The following MYO10 variants were observed in gnomAD, a reference collection of about 807,000 sequenced individuals.
The protein encoded by MYO10 is unconventional myosin-X.
A neutral mutation model predicts 257.3 loss-of-function variants in MYO10; 133 were observed. The observed-to-expected ratio is 0.52, with a 90% CI of 0.45 to 0.60. The LOEUF is 0.60. Ranked by LOEUF, MYO10 falls within the 20% of genes least tolerant of loss-of-function variation. MYO10 has a pLI of 0.00. For synonymous variants in MYO10, 1,104 were observed against 1,028.6 expected, an observed-to-expected ratio of 1.07 and a Z score of -1.40; for missense variants, 2,399 against 2,635.7, an observed-to-expected ratio of 0.91 and a Z score of 1.97.
intron 2 of MYO10, among the ~76,000 whole-genome samples, chr5:16,835,492 G>GTTTTTTTTTT (rs1554001242): frequency 4.9e-5 from 4 of 81,086 alleles, no homozygotes; most frequent in Non-Finnish European, 9.1e-5. Context: ...ATTTTTGGCT[G>GTTTTTTTTTT]TTTTTTTTTT....
At chr5:16,854,661 A>G (rs1326920487) in intron 2 of MYO10, among the ~76,000 whole-genome samples, 1 of 152,236 alleles carries the variant, frequency 6.6e-6, no homozygotes, top group African/African-American at 2.4e-5. Context: ...TGACTATACT[A>G]AAAGCCACTG....
chr5:16,783,244 C>T, intron 5 of MYO10, 91 bp downstream of exon 5: 5 of 1,286,284 alleles, frequency 3.9e-6, no homozygotes, highest in South Asian at 1.6e-5. Context: ...AAAAGAGAAA[C>T]GCGACCAACT....
At chr5:16,858,211 G>T (rs1744014626) in intron 2 of MYO10, among the ~76,000 whole-genome samples, 1 of 152,152 alleles carries the variant, frequency 6.6e-6, no homozygotes, top group South Asian at 2.1e-4. Flanking sequence ...ATTTTCACGT[G>T]TCAAAATATG....
intron 2 of MYO10, among the ~76,000 whole-genome samples, chr5:16,826,037 A>G (rs1323586845): frequency 6.6e-6 from 1 of 152,024 alleles, no homozygotes; most frequent in African/African-American, 2.4e-5. Context: ...AATCCCAGCT[A>G]TTTGGGAGGC....
At chr5:16,866,622 T>C (rs905185336) in intron 2 of MYO10, among the ~76,000 whole-genome samples, 14 of 152,150 alleles carry the variant, frequency 9.2e-5, no homozygotes, top group Non-Finnish European at 5.9e-5. Context: ...TGACCTCCTG[T>C]TTCTTTCCTC....
chr5:16,833,855 C>A (rs909125168), intron 2 of MYO10, among the ~76,000 whole-genome samples: 3 of 152,174 alleles, frequency 2.0e-5, no homozygotes, highest in Non-Finnish European at 4.4e-5. Context: ...ACATTTAGCA[C>A]AGTTCTTGGT....
chr5:16,882,186 G>A (rs1744771620), intron 1 of MYO10, among the ~76,000 whole-genome samples: 1 of 152,044 alleles, frequency 6.6e-6, no homozygotes, highest in Non-Finnish European at 1.5e-5. Flanking sequence ...AGACAGAGAG[G>A]CAATACCGTC....
Position 16,689,814 on chromosome 5 carries a change from G to A in MYO10, c.3896+10C>T, listed in dbSNP as rs746510598. On this transcript the variant is annotated intron_variant, in intron 28 of 40. Transcript: ENST00000513610. ...ATGTGGGTAACACAAAGTCAACAGC[G>A]CAGACTCACCTGGCATCTTCTGGGG... 1.6e-5 allele frequency: 26 copies of A among 1,601,686 alleles called. No homozygotes were observed. Among genetic ancestry groups the A allele is most frequent in the East Asian group, 2.2e-5 (1 of 44,816 alleles).
intron 2 of MYO10, among the ~76,000 whole-genome samples, chr5:16,830,994 G>A (rs1038012760): frequency 1.3e-5 from 2 of 152,134 alleles, no homozygotes; most frequent in African/African-American, 2.4e-5. Context: ...TATCCACTGC[G>A]TCAATGTCAA....
intron 2 of MYO10, among the ~76,000 whole-genome samples, chr5:16,849,860 G>C (rs887788499): frequency 2.6e-5 from 4 of 152,112 alleles, no homozygotes; most frequent in African/African-American, 9.7e-5. Context: ...CCATACAAAA[G>C]AAATTAAGAT....
rs551047739 is a variant in MYO10, at chr5:16,748,521, G to A, written c.1929+6307C>T. ...CCGCCCCCCATCAGCCTCCCAAAGC[G>A]CTGGGATTACAGGTGTGAGCCATTG... On this transcript the variant is annotated intron_variant, in intron 19 of 40. Transcript: ENST00000513610. Among the ~76,000 whole-genome samples the A allele has an allele frequency of 1.3e-4, 16 of 121,302 alleles. No individual in the cohort carries two copies. In the South Asian group the frequency reaches 1.9e-3, roughly 15 times the overall value. The allele number at this position is 121,302 out of a possible 152,430, so 79.6% of individuals were successfully genotyped here. A position where few individuals can be genotyped will look rare whatever the true frequency, so the allele number is the denominator to read the frequency against.
intron 29 of MYO10, 85 bp from the exon 30 acceptor site, chr5:16,684,020 C>T: frequency 8.2e-7 from 1 of 1,224,158 alleles, no homozygotes; most frequent in Non-Finnish European, 1.2e-6. Flanking sequence ...CCACAACTCC[C>T]AATCAGACAG....
chr5:16,732,792 CTG>C (rs1739636791), intron 19 of MYO10, among the ~76,000 whole-genome samples: 1 of 152,164 alleles, frequency 6.6e-6, no homozygotes, highest in African/African-American at 2.4e-5. Flanking sequence ...AGTGGTCAAA[CTG>C]AGATTTGGAA....
intron 1 of MYO10, among the ~76,000 whole-genome samples, chr5:16,912,791 C>G (rs1186618387): frequency 7.0e-6 from 1 of 143,684 alleles, no homozygotes; most frequent in African/African-American, 2.6e-5. Flanking sequence ...ACTTCCTTCA[C>G]CTACCACCCT....
At chr5:16,921,781 T>G (rs1745993860) in intron 1 of MYO10, among the ~76,000 whole-genome samples, 2 of 152,112 alleles carry the variant, frequency 1.3e-5, no homozygotes, top group Admixed American at 6.5e-5. Context: ...TGAAGACAGT[T>G]GGTTGTCACA....
At chr5:16,670,008 G>A (rs1736368082) in intron 39 of MYO10, among the ~76,000 whole-genome samples, 1 of 152,160 alleles carries the variant, frequency 6.6e-6, no homozygotes, top group Non-Finnish European at 1.5e-5. Context: ...AGACCAGTTT[G>A]CCAAACTCTC....
At chr5:16,702,504 T>TAGAAACACAAGAGGCTA (rs1738126632) in intron 24 of MYO10, 39 bp downstream of exon 24, 1 of 1,561,892 alleles carries the variant, frequency 6.4e-7, no homozygotes, top group Non-Finnish European at 8.7e-7. Flanking sequence ...GGGAAGGAAG[T>TAGAAACACAAGAGGCTA]AGAAACACAA....
intron 1 of MYO10, among the ~76,000 whole-genome samples, chr5:16,913,484 C>T (rs972508789): frequency 3.3e-5 from 5 of 152,180 alleles, no homozygotes; most frequent in African/African-American, 7.2e-5. Context: ...ACCCTGGTAT[C>T]GCAGAATTTC....
At chr5:16,737,771 A>G (rs1437843227) in intron 19 of MYO10, among the ~76,000 whole-genome samples, 1 of 152,190 alleles carries the variant, frequency 6.6e-6, no homozygotes, top group Non-Finnish European at 1.5e-5. Context: ...TCTAGCAGGT[A>G]GATGCCAGCG....
Sources: gnomAD v4.1 joint callset for allele counts (sites outside exome capture counted in the v4.1 genomes callset) on GRCh38, gnomAD v4.1.1 for gene constraint, MANE v1.5 for transcripts, NCBI Gene and HGNC (gene_info 2026-07-23, HGNC 2026-07-21) for gene names.